TUBA1C: variants seen among roughly 807,000 people sequenced by gnomAD.
The protein encoded by TUBA1C is tubulin alpha 1c.
A neutral mutation model predicts 34.9 loss-of-function variants in TUBA1C; 16 were observed. The observed-to-expected ratio is 0.46, with a 90% CI of 0.31 to 0.70. The LOEUF (loss-of-function observed/expected upper bound fraction) is 0.70, where lower values mean the gene tolerates loss of function less well. Ranked by LOEUF, TUBA1C falls within the 30% of genes least tolerant of loss-of-function variation. TUBA1C has a pLI of 0.05. For missense variants in TUBA1C, 329 were observed against 587.3 expected (o/e 0.56, Z 4.55); for synonymous variants, 177 against 215.9 (o/e 0.82, Z 1.58).
chr12:49,259,080 A>C (rs1401256398), intron 1 of TUBA1C, among the ~76,000 whole-genome samples: 1 of 151,938 alleles, frequency 6.6e-6, no homozygotes, highest in Non-Finnish European at 1.5e-5. Flanking sequence ...ATTTTTTTAA[A>C]TGTCCTAGGC....
intron 1 of TUBA1C, among the ~76,000 whole-genome samples, chr12:49,232,246 A>G (rs1942505501): frequency 6.6e-6 from 1 of 152,228 alleles, no homozygotes; most frequent in Non-Finnish European, 1.5e-5. Context: ...ATTTTTGCGG[A>G]TAAATTCCCC....
At chr12:49,252,805 C>T (rs1202266918) in intron 1 of TUBA1C, among the ~76,000 whole-genome samples, 4 of 151,976 alleles carry the variant, frequency 2.6e-5, no homozygotes, top group Admixed American at 6.6e-5. Context: ...CCCAGCTACT[C>T]GGGAGGCTGA....
At chr12:49,249,150 G>A (rs902533021) in intron 1 of TUBA1C, among the ~76,000 whole-genome samples, 5 of 152,088 alleles carry the variant, frequency 3.3e-5, no homozygotes, top group South Asian at 4.1e-4. Context: ...AAAGAAGGCC[G>A]GGCGCGGTGG....
intron 1 of TUBA1C, among the ~76,000 whole-genome samples, chr12:49,245,496 C>G (rs913942650): frequency 6.6e-5 from 10 of 152,136 alleles, no homozygotes; most frequent in African/African-American, 2.4e-4. Context: ...GTAGTCACAG[C>G]TACTCAGGAG....
chr12:49,270,560 A>G (rs1273024981), intron 3 of TUBA1C, among the ~76,000 whole-genome samples: 1 of 152,250 alleles, frequency 6.6e-6, no homozygotes, highest in African/African-American at 2.4e-5. Flanking sequence ...AGAAAATCAC[A>G]TTGTATTAAG....
intron 1 of TUBA1C, 130 bp downstream of exon 1, chr12:49,265,314 T>A: frequency 1.7e-6 from 1 of 592,452 alleles, no homozygotes; most frequent in Non-Finnish European, 2.7e-6. Flanking sequence ...CCGGTTAACC[T>A]GGCTTGTGGC....
At chr12:49,265,971 AAC>A (rs1482907494) in intron 1 of TUBA1C, among the ~76,000 whole-genome samples, 71 of 141,742 alleles carry the variant, frequency 5.0e-4, no homozygotes, top group African/African-American at 1.9e-3. Flanking sequence ...AAAAAAAAAA[AAC>A]AAAAAAAAAC....
upstream of TUBA1C, among the ~76,000 whole-genome samples, chr12:49,264,152 A>G (rs909675589): frequency 1.3e-5 from 2 of 151,230 alleles, no homozygotes; most frequent in African/African-American, 2.4e-5. Context: ...CCCGGGAGGC[A>G]GAGGTTGCAG....
intron 1 of TUBA1C, among the ~76,000 whole-genome samples, chr12:49,250,313 A>G (rs1181406476): frequency 2.0e-5 from 3 of 151,990 alleles, no homozygotes; most frequent in Non-Finnish European, 4.4e-5. Flanking sequence ...TCACGAGGTC[A>G]GGAAATCGAG....
upstream of TUBA1C, among the ~76,000 whole-genome samples, chr12:49,262,096 C>G (rs531746970): frequency 1.3e-5 from 2 of 152,008 alleles, no homozygotes; most frequent in East Asian, 1.9e-4. Context: ...AAACCTGGAC[C>G]CTGAGGAGGG....
intron 1 of TUBA1C, among the ~76,000 whole-genome samples, chr12:49,267,709 C>T (rs1942933929): frequency 6.6e-6 from 1 of 152,218 alleles, no homozygotes; most frequent in Admixed American, 6.5e-5. Flanking sequence ...TGTTCTCCCA[C>T]ACCCCTGGAG....
chr12:49,236,233 C>A (rs190431538), intron 1 of TUBA1C, among the ~76,000 whole-genome samples: 2 of 152,192 alleles, frequency 1.3e-5, no homozygotes, highest in Admixed American at 1.3e-4. Context: ...AATGCATTAG[C>A]AAACACATTT....
chr12:49,234,950 T>G (rs531398434), intron 1 of TUBA1C, among the ~76,000 whole-genome samples: 233 of 152,118 alleles, frequency 1.5e-3, no homozygotes, highest in African/African-American at 5.4e-3. Flanking sequence ...CCCGAGTATT[T>G]GGGATTACAG....
chr12:49,237,311 C>T (rs907395381), intron 1 of TUBA1C, among the ~76,000 whole-genome samples: 30 of 151,468 alleles, frequency 2.0e-4, no homozygotes, highest in Middle Eastern at 3.4e-3. Context: ...CCCAGCTACT[C>T]GGGAGGCTGA....
Position 49,229,166 on chromosome 12 carries a change from C to T in TUBA1C, c.213+1000C>T, listed in dbSNP as rs1031453524. The stretch of plus-strand genomic sequence containing the variant: ...ACTTTCCCCACTTTACTGCATGTTG[C>T]GAACCTTTATCTTTTTTGCGTGCGT... On this transcript the variant is annotated intron_variant, in intron 1 of 3. Coordinates refer to the TUBA1C transcript ENST00000541364. Among the ~76,000 whole-genome samples the T allele has an allele frequency of 2.6e-5, 4 of 152,124 alleles. 1 individual carries two copies. Among genetic ancestry groups the T allele is most frequent in the South Asian group, 4.2e-4 (2 of 4,814 alleles).
intron 1 of TUBA1C, among the ~76,000 whole-genome samples, chr12:49,255,084 C>G (rs1455046857): frequency 6.6e-6 from 1 of 151,930 alleles, no homozygotes. Context: ...TGCACCTGAC[C>G]TCAGGCTGTT....
chr12:49,259,189 T>C (rs1442882033), intron 1 of TUBA1C, among the ~76,000 whole-genome samples: 1 of 152,196 alleles, frequency 6.6e-6, no homozygotes, highest in South Asian at 2.1e-4. Context: ...TTTTATCTTT[T>C]ATACCATATT....
At position 49,272,272 on chromosome 12, in the gene TUBA1C, T is replaced by A; in HGVS notation, c.395T>A (p.Leu132His). 1 of 1,612,632 alleles carries A rather than the reference T, an allele frequency of 6.2e-7. No individual in the cohort carries two copies. The highest frequency in any genetic ancestry group is 2.2e-5 in the East Asian group (1 of 44,858). Reference sequence around the variant, plus strand: ...TTGCAGGCTGACCAGTGCACCGGTCTTCAGGGCTTCTTGGTTTTCCACAGC... The same window carrying A: ...TTGCAGGCTGACCAGTGCACCGGTCATCAGGGCTTCTTGGTTTTCCACAGC... ...IRKLADQCTG[L>H]QGFLVFHSFG... Residue 132 changes from leucine (L) to histidine (H), a missense_variant, in exon 4 of 4, where the codon CTT (leucine) becomes CAT (histidine). This residue lies in a region of TUBA1C where 152 missense variants were observed against 240.3 expected (regional missense o/e 0.63). Transcript: ENST00000301072.
intron 1 of TUBA1C, among the ~76,000 whole-genome samples, chr12:49,258,849 C>G (rs925623216): frequency 2.0e-5 from 3 of 151,762 alleles, no homozygotes; most frequent in Non-Finnish European, 2.9e-5. Context: ...CTCCACCTTC[C>G]AGGTTCAAAC....
Sources: allele counts gnomAD v4.1 joint callset (sites outside exome capture counted in the v4.1 genomes callset), GRCh38; gene constraint gnomAD v4.1.1; regional missense constraint gnomAD v4.1.1; transcripts MANE v1.5; gene names NCBI Gene and HGNC (gene_info 2026-07-23, HGNC 2026-07-21).